The following AUTS2 variants were observed in gnomAD, a reference collection of about 807,000 sequenced individuals.
AUTS2 encodes the protein activator of transcription and developmental regulator AUTS2, also known as autism susceptibility gene 2 protein.
In AUTS2, 17 loss-of-function variants were observed where a neutral mutation model predicts 112.4. That is an observed-to-expected ratio of 0.15 (90% CI 0.10 to 0.23). The LOEUF is 0.23. AUTS2 is among the 10% of genes least tolerant of loss of function. AUTS2 has a pLI of 1.00. For synonymous variants in AUTS2, 751 were observed against 702.7 expected (o/e 1.07, Z -1.09); for missense variants, 1,510 against 1,701.6 (o/e 0.89, Z 1.98).
At chr7:69,857,506 G>A (rs1792783018) in intron 1 of AUTS2, among the ~76,000 whole-genome samples, 1 of 152,142 alleles carries the variant, frequency 6.6e-6, no homozygotes, top group African/African-American at 2.4e-5. Flanking sequence ...GATTATAATT[G>A]CTATAATTGC....
At chr7:69,706,753 C>G (rs1056530915) in intron 1 of AUTS2, among the ~76,000 whole-genome samples, 1 of 152,142 alleles carries the variant, frequency 6.6e-6, no homozygotes, top group African/African-American at 2.4e-5. Flanking sequence ...ACAAGCTTAA[C>G]TAGACATTAA....
chr7:69,950,649 A>T (rs906323384), intron 2 of AUTS2, among the ~76,000 whole-genome samples: 4 of 152,114 alleles, frequency 2.6e-5, no homozygotes, highest in Non-Finnish European at 5.9e-5. Flanking sequence ...TGATCACCTT[A>T]TACCCAAGCA....
chr7:70,122,639 G>GA (rs1805742682), intron 3 of AUTS2, among the ~76,000 whole-genome samples: 1 of 151,854 alleles, frequency 6.6e-6, no homozygotes, highest in African/African-American at 2.4e-5. Flanking sequence ...TTAAAATTAT[G>GA]AAAAAAATTT....
intron 4 of AUTS2, among the ~76,000 whole-genome samples, chr7:70,169,769 T>C (rs914693254): frequency 2.6e-5 from 4 of 152,174 alleles, no homozygotes; most frequent in African/African-American, 9.7e-5. Flanking sequence ...ATTCAACATA[T>C]AAAATTGTCT....
chr7:69,611,525 G>A (rs964780101), intron 1 of AUTS2, among the ~76,000 whole-genome samples: 2 of 152,240 alleles, frequency 1.3e-5, no homozygotes, highest in Non-Finnish European at 2.9e-5. Flanking sequence ...GAAGTATAAT[G>A]TGATTCCAGA....
intron 4 of AUTS2, among the ~76,000 whole-genome samples, chr7:70,219,859 T>A (rs897375105): frequency 6.6e-6 from 1 of 152,170 alleles, no homozygotes; most frequent in Non-Finnish European, 1.5e-5. Context: ...TGTGAGCCAC[T>A]GTACCCAGCC....
intron 5 of AUTS2, among the ~76,000 whole-genome samples, chr7:70,507,319 G>A (rs1256045605): frequency 7.9e-5 from 12 of 151,966 alleles, no homozygotes; most frequent in South Asian, 4.2e-4. Context: ...CGGGAGGATC[G>A]CTTGAGCCTG....
At chr7:70,421,694 T>C (rs1236569002) in intron 4 of AUTS2, among the ~76,000 whole-genome samples, 1 of 152,216 alleles carries the variant, frequency 6.6e-6, no homozygotes, top group African/African-American at 2.4e-5. Context: ...CCTCTTTCAG[T>C]CCCCTTGATT....
At chr7:70,191,359 G>GA (rs1228176477) in intron 4 of AUTS2, among the ~76,000 whole-genome samples, 1 of 151,772 alleles carries the variant, frequency 6.6e-6, no homozygotes, top group Non-Finnish European at 1.5e-5. Flanking sequence ...TTTTAGTAGA[G>GA]ACGGGGTTTA....
chr7:69,823,156 A>G (rs1791073511), intron 1 of AUTS2, among the ~76,000 whole-genome samples: 4 of 152,144 alleles, frequency 2.6e-5, no homozygotes. Flanking sequence ...CTTACACTTG[A>G]GTTTCCTTTC....
rs139055558 is a variant in AUTS2, at chr7:70,372,146, T to C, written c.661-63606T>C. Among the ~76,000 whole-genome samples, 540 of 152,294 alleles carry C rather than the reference T, an allele frequency of 3.5e-3. 3 individuals carry two copies. Among genetic ancestry groups the C allele is most frequent in the African/African-American group, 0.012 (492 of 41,562 alleles). ...TATGTCCCCAACTTAAAATTTGAGC[T>C]ACACAGTTTCAGAAAATGAAAACTG... On this transcript the variant is annotated intron_variant, in intron 4 of 18. Transcript: ENST00000342771.
intron 5 of AUTS2, among the ~76,000 whole-genome samples, chr7:70,523,691 G>T (rs1486059997): frequency 1.3e-5 from 2 of 152,168 alleles, no homozygotes; most frequent in Non-Finnish European, 2.9e-5. Context: ...CTCTGGTTAG[G>T]GGTAGATTCA....
intron 1 of AUTS2, among the ~76,000 whole-genome samples, chr7:69,732,244 T>C (rs2129232610): frequency 6.6e-6 from 1 of 152,276 alleles, no homozygotes; most frequent in Non-Finnish European, 1.5e-5. Context: ...TCCCCTTTGG[T>C]ATTCATTATT....
intron 6 of AUTS2, among the ~76,000 whole-genome samples, chr7:70,742,932 C>A (rs768948973): frequency 6.6e-5 from 10 of 152,130 alleles, no homozygotes; most frequent in Non-Finnish European, 1.3e-4. Context: ...CAAGGCTCTG[C>A]GAAGTGGAGT....
chr7:70,377,511 A>T (rs1278309660), intron 4 of AUTS2, among the ~76,000 whole-genome samples: 1 of 150,676 alleles, frequency 6.6e-6, no homozygotes, highest in African/African-American at 2.4e-5. Context: ...AACAATTTTT[A>T]AATGTATAGT....
chr7:70,292,544 G>A (rs111388682), intron 4 of AUTS2: 2,259 of 152,338 alleles, frequency 0.015, 28 homozygotes, highest in Middle Eastern at 0.044. Flanking sequence ...AAGAAGAAGG[G>A]TATCAGTGTA....
In AUTS2 at chr7:70,511,148, CTT is replaced by C. The variant is rs572713634; in HGVS notation, c.690+75369_690+75370del. On this transcript the variant is annotated intron_variant, in intron 5 of 18. Coordinates refer to ENST00000342771, the MANE Select transcript of AUTS2 (RefSeq NM_015570.4). ...ACAGGCGTGAACCACTGCGCTCGGC[CTT>C]TAATTTTTAATTAGCATAGCAAAAG... 9.6e-3 allele frequency among the ~76,000 whole-genome samples: 1,467 copies of C among 152,154 alleles called. 16 individuals carry two copies. Among genetic ancestry groups the C allele is most frequent in the African/African-American group, 0.034 (1,404 of 41,518 alleles).
intron 4 of AUTS2, among the ~76,000 whole-genome samples, chr7:70,348,827 A>G (rs777688882): frequency 2.6e-5 from 4 of 152,200 alleles, no homozygotes; most frequent in Non-Finnish European, 5.9e-5. Flanking sequence ...ACAAAAAACA[A>G]AAAAAGAATT....
chr7:70,625,645 A>G (rs186153614), intron 5 of AUTS2, among the ~76,000 whole-genome samples: 25 of 152,278 alleles, frequency 1.6e-4, no homozygotes, highest in Non-Finnish European at 1.0e-4. Context: ...GATTGCACCT[A>G]TGAGGAGGTG....
Sources: allele counts gnomAD v4.1 joint callset (sites outside exome capture counted in the v4.1 genomes callset), GRCh38; gene constraint gnomAD v4.1.1; transcripts MANE v1.5; gene names NCBI Gene and HGNC (gene_info 2026-07-23, HGNC 2026-07-21).